NAV2: variants seen among roughly 807,000 people sequenced by gnomAD.
NAV2 encodes helicase, APC down-regulated 1.
A neutral mutation model predicts 223.2 loss-of-function variants in NAV2; 54 were observed. The ratio of observed to expected loss-of-function variants is 0.24; its 90% CI spans 0.19 to 0.30. The LOEUF (loss-of-function observed/expected upper bound fraction) is 0.30, where lower values mean the gene tolerates loss of function less well. Among genes scored for constraint, NAV2 ranks in the 10% least tolerant of loss-of-function variants. NAV2 has a pLI of 1.00. For synonymous variants in NAV2, 1,279 were observed against 1,239.3 expected (o/e 1.03, Z -0.67); for missense variants, 2,806 against 3,147.5 (o/e 0.89, Z 2.60).
chr11:19,734,498 C>A (rs780067721), intron 1 of NAV2, among the ~76,000 whole-genome samples: 3 of 152,204 alleles, frequency 2.0e-5, no homozygotes, highest in Non-Finnish European at 2.9e-5. Flanking sequence ...TTCCTACAAC[C>A]GCTTCCCCTT....
chr11:19,929,494 C>G (rs930381577), intron 6 of NAV2, among the ~76,000 whole-genome samples: 33 of 152,140 alleles, frequency 2.2e-4, no homozygotes, highest in Admixed American at 2.0e-3. Flanking sequence ...TAGCACCACT[C>G]AAGACTCCTG....
chr11:19,894,295 C>T (rs973466903), intron 6 of NAV2, among the ~76,000 whole-genome samples: 2 of 152,192 alleles, frequency 1.3e-5, no homozygotes, highest in Admixed American at 1.3e-4. Context: ...GAAACAAATG[C>T]TTGAAGCTTC....
chr11:19,707,736 G>A (rs1455208941), intron 1 of NAV2, among the ~76,000 whole-genome samples: 1 of 152,112 alleles, frequency 6.6e-6, no homozygotes, highest in Non-Finnish European at 1.5e-5. Context: ...TAAAGTATTA[G>A]GCACTGTACA....
At chr11:19,436,486 A>G (rs751388604) in intron 1 of NAV2, among the ~76,000 whole-genome samples, 8 of 152,148 alleles carry the variant, frequency 5.3e-5, no homozygotes, top group African/African-American at 7.2e-5. Flanking sequence ...GCTTTGTAAT[A>G]CATTTTGAAA....
chr11:19,802,904 G>A (rs1413997350), intron 1 of NAV2, among the ~76,000 whole-genome samples: 1 of 152,014 alleles, frequency 6.6e-6, no homozygotes, highest in Non-Finnish European at 1.5e-5. Context: ...ACCCTAACTA[G>A]GAAAAACAGA....
At chr11:19,618,400 A>AGATGGATG (rs151139118) in intron 1 of NAV2, among the ~76,000 whole-genome samples, 1 of 66,688 alleles carries the variant, frequency 1.5e-5, no homozygotes, top group East Asian at 5.8e-4. Context: ...ATGGATGAAT[A>AGATGGATG]GATGGATGGA....
intron 10 of NAV2, among the ~76,000 whole-genome samples, chr11:19,956,355 C>G (rs879387505): frequency 2.0e-5 from 3 of 151,748 alleles, no homozygotes; most frequent in Non-Finnish European, 2.9e-5. Context: ...TACCACACCC[C>G]CGACACACAT....
At chr11:19,579,950 A>G (rs61355696) in intron 1 of NAV2, among the ~76,000 whole-genome samples, 2 of 152,168 alleles carry the variant, frequency 1.3e-5, no homozygotes, top group East Asian at 1.9e-4. Context: ...TGATCCTGGC[A>G]TGGGGACCAA....
intron 7 of NAV2, among the ~76,000 whole-genome samples, chr11:19,938,034 G>A (rs2046066588): frequency 6.6e-6 from 1 of 152,232 alleles, no homozygotes; most frequent in Non-Finnish European, 1.5e-5. Flanking sequence ...TTTAGGCAGA[G>A]AGGTTGTAGT....
chr11:20,058,826 T>C (rs535129021), intron 19 of NAV2, among the ~76,000 whole-genome samples: 41 of 152,298 alleles, frequency 2.7e-4, no homozygotes, highest in Non-Finnish European at 4.7e-4. Flanking sequence ...GTGAGATGAA[T>C]CTTGGAAAGC....
intron 1 of NAV2, among the ~76,000 whole-genome samples, chr11:19,583,971 C>A (rs543787422): frequency 5.6e-4 from 86 of 152,294 alleles, no homozygotes; most frequent in African/African-American, 1.9e-3. Flanking sequence ...CCTCCTTGTA[C>A]CTCTGGTAGA....
At chr11:19,750,642 G>C (rs1287893785) in intron 1 of NAV2, among the ~76,000 whole-genome samples, 1 of 152,192 alleles carries the variant, frequency 6.6e-6, no homozygotes, top group Non-Finnish European at 1.5e-5. Context: ...TGTGGAAGGG[G>C]CTTTATACTG....
intron 1 of NAV2, among the ~76,000 whole-genome samples, chr11:19,509,403 T>G (rs1370225309): frequency 2.0e-5 from 3 of 152,110 alleles, no homozygotes; most frequent in Non-Finnish European, 4.4e-5. Flanking sequence ...ATAATTACAT[T>G]ATGGAGTTTG....
At chr11:19,618,386 ATGGATGG>A (rs1485509883) in intron 1 of NAV2, among the ~76,000 whole-genome samples, 12 of 102,726 alleles carry the variant, frequency 1.2e-4, no homozygotes, top group Non-Finnish European at 1.2e-4. Context: ...GGATGGATGG[ATGGATGG>A]ATGAATAGAT....
chr11:19,966,245 G>A (rs1228706238), intron 10 of NAV2, among the ~76,000 whole-genome samples: 1 of 152,186 alleles, frequency 6.6e-6, no homozygotes, highest in African/African-American at 2.4e-5. Flanking sequence ...AGATGTTGCT[G>A]TGGTCATCTG....
In NAV2 at chr11:19,467,129, T is replaced by A. The variant is rs1011815834; in HGVS notation, c.75+116102T>A. Among the ~76,000 whole-genome samples the A allele has an allele frequency of 2.0e-5, 3 of 152,194 alleles. No homozygotes were observed. The South Asian group carries it at 6.2e-4, about 32-fold the overall frequency. On this transcript the variant is annotated intron_variant, in intron 1 of 37. Coordinates refer to the NAV2 transcript ENST00000360655. ...GTACATGTATAATTCTCTAGCTCAATTTTTCCTCTTAACAGTAGAGCATCC... is the reference window on the plus strand; with the variant it reads ...GTACATGTATAATTCTCTAGCTCAAATTTTCCTCTTAACAGTAGAGCATCC...
chr11:19,595,733 AAT>A (rs1491115967), intron 1 of NAV2, among the ~76,000 whole-genome samples: 37 of 151,032 alleles, frequency 2.4e-4, no homozygotes, highest in Non-Finnish European at 3.2e-4. Flanking sequence ...AAAAAAAAAA[AAT>A]TTTTTTTTTA....
intron 9 of NAV2, among the ~76,000 whole-genome samples, chr11:19,947,895 T>C (rs905976128): frequency 5.9e-5 from 9 of 152,046 alleles, no homozygotes; most frequent in Non-Finnish European, 1.3e-4. Context: ...CACTGCTCAG[T>C]TGGGAGGGAG....
chr11:19,942,198 A>G (rs906149709), intron 8 of NAV2, among the ~76,000 whole-genome samples: 1 of 152,178 alleles, frequency 6.6e-6, no homozygotes, highest in African/African-American at 2.4e-5. Flanking sequence ...GTTAGTGGGT[A>G]TATCCTACAT....
Sources: gnomAD v4.1 joint callset for allele counts (sites outside exome capture counted in the v4.1 genomes callset) on GRCh38, gnomAD v4.1.1 for gene constraint, MANE v1.5 for transcripts, NCBI Gene and HGNC (gene_info 2026-07-23, HGNC 2026-07-21) for gene names.